Variants in GRB10 observed in about 807,000 individuals in gnomAD.
GRB10 encodes the protein growth factor receptor bound protein 10.
A neutral mutation model predicts 80.9 loss-of-function variants in GRB10; 20 were observed. The ratio of observed to expected loss-of-function variants is 0.25; its 90% CI spans 0.17 to 0.36. GRB10 has a LOEUF of 0.36. Ranked by LOEUF, GRB10 falls within the 10% of genes least tolerant of loss-of-function variation. The pLI, the probability that GRB10 is intolerant of heterozygous loss-of-function variation, is 1.00. For missense variants in GRB10, 548 were observed against 747.7 expected (o/e 0.73, Z 3.12); for synonymous variants, 291 against 291.5 (o/e 1.00, Z 0.02).
At chr7:50,617,170 A>C (rs1473723668) in intron 10 of GRB10, among the ~76,000 whole-genome samples, 1 of 152,134 alleles carries the variant, frequency 6.6e-6, no homozygotes, top group African/African-American at 2.4e-5. Context: ...TAGTGCTGAC[A>C]CCTCTCGCCA....
At chr7:50,742,271 G>GCACA (rs55813195) in intron 3 of GRB10, among the ~76,000 whole-genome samples, 887 of 46,838 alleles carry the variant, frequency 0.019, 6 homozygotes, top group East Asian at 0.1. Context: ...ACGCGCGCGC[G>GCACA]CACACACACA....
At chr7:50,748,007 C>T (rs1450703798) in intron 3 of GRB10, among the ~76,000 whole-genome samples, 1 of 152,094 alleles carries the variant, frequency 6.6e-6, no homozygotes, top group Non-Finnish European at 1.5e-5. Flanking sequence ...CACATGCGTG[C>T]AGGTGGCAAA....
At chr7:50,636,384 C>T (rs758022955) in intron 7 of GRB10, among the ~76,000 whole-genome samples, 4 of 152,272 alleles carry the variant, frequency 2.6e-5, no homozygotes, top group East Asian at 3.9e-4. Context: ...TTCTACAAAA[C>T]CAGTATCACC....
chr7:50,789,528 C>A (rs1172906185), intron 1 of GRB10, among the ~76,000 whole-genome samples: 1 of 152,140 alleles, frequency 6.6e-6, no homozygotes, highest in Admixed American at 6.5e-5. Context: ...AGTGTGCCTG[C>A]TGCCCTGGTC....
At chr7:50,771,713 G>A (rs78661610) in intron 2 of GRB10, among the ~76,000 whole-genome samples, 1,857 of 152,236 alleles carry the variant, frequency 0.012, 49 homozygotes, top group African/African-American at 0.042. Flanking sequence ...ACCAGAACCC[G>A]CAGCCCAGTA....
intron 18 of GRB10, among the ~76,000 whole-genome samples, chr7:50,595,036 C>T (rs181549351): frequency 2.0e-5 from 3 of 152,294 alleles, no homozygotes; most frequent in African/African-American, 4.8e-5. Context: ...CACGTGCTCA[C>T]AGCTGCTGCG....
At chr7:50,593,201 C>T (rs991967038) in intron 18 of GRB10, 103 bp from the exon 19 acceptor site, 23 of 1,332,994 alleles carry the variant, frequency 1.7e-5, no homozygotes, top group African/African-American at 1.6e-4. Context: ...GATTTGATTC[C>T]AGAGGGACAC....
In GRB10 at chr7:50,792,469, A is replaced by G. The variant is rs2078967969; in HGVS notation, c.-294+755T>C. 1.0e-5 allele frequency: 4 copies of G among 398,582 alleles called. No individual in the cohort carries two copies. The East Asian group carries it at 1.4e-4, about 14-fold the overall frequency. The allele number at this position is 398,582 out of a possible 1,614,324, so 24.7% of individuals were successfully genotyped here. A position where few individuals can be genotyped will look rare whatever the true frequency, so the allele number is the denominator to read the frequency against. Reference sequence around the variant, plus strand: ...TAATTTCCATAACGCACATGCTCCAAGGCAGTCGTCAGGCAGGCGTTTGGA... The same window carrying G: ...TAATTTCCATAACGCACATGCTCCAGGGCAGTCGTCAGGCAGGCGTTTGGA... On this transcript the variant is annotated intron_variant, in intron 1 of 16. Transcript: ENST00000335866.
At chr7:50,743,853 G>A (rs1429941529) in intron 3 of GRB10, among the ~76,000 whole-genome samples, 3 of 152,176 alleles carry the variant, frequency 2.0e-5, no homozygotes, top group African/African-American at 7.2e-5. Flanking sequence ...TTAATGCAGT[G>A]ATCCAACTGA....
At chr7:50,722,011 G>A (rs1488181199) in intron 4 of GRB10, among the ~76,000 whole-genome samples, 1 of 152,212 alleles carries the variant, frequency 6.6e-6, no homozygotes, top group Non-Finnish European at 1.5e-5. Context: ...GAGAGCCCAG[G>A]CTGCTGGTAG....
chr7:50,722,165 C>A (rs1325713227), intron 4 of GRB10, among the ~76,000 whole-genome samples: 1 of 152,174 alleles, frequency 6.6e-6, no homozygotes, highest in Admixed American at 6.5e-5. Flanking sequence ...CTGTCCCCCA[C>A]CAGCTGAGCC....
chr7:50,742,010 CA>C (rs566207137), intron 3 of GRB10, among the ~76,000 whole-genome samples: 224 of 135,856 alleles, frequency 1.6e-3, no homozygotes, highest in East Asian at 5.3e-3. Flanking sequence ...TTAATTTTTA[CA>C]AAAAAAAAAA....
At chr7:50,761,136 G>C (rs560220940) in intron 2 of GRB10, among the ~76,000 whole-genome samples, 1 of 152,152 alleles carries the variant, frequency 6.6e-6, no homozygotes, top group Non-Finnish European at 1.5e-5. Context: ...GCTAGGAGAC[G>C]GTAATTATAT....
At chr7:50,599,706 C>T (rs887085806) in intron 17 of GRB10, among the ~76,000 whole-genome samples, 6 of 152,190 alleles carry the variant, frequency 3.9e-5, no homozygotes, top group South Asian at 2.1e-4. Context: ...ATGCTTCTAT[C>T]GCTTTACAGG....
At chr7:50,776,163 C>A (rs564979598) in intron 2 of GRB10, among the ~76,000 whole-genome samples, 19 of 152,318 alleles carry the variant, frequency 1.2e-4, no homozygotes, top group African/African-American at 4.6e-4. Flanking sequence ...TTCTCCCAAA[C>A]ATGTTTTTAC....
At chr7:50,702,887 A>C (rs1043577054) in intron 5 of GRB10, among the ~76,000 whole-genome samples, 4 of 152,244 alleles carry the variant, frequency 2.6e-5, no homozygotes, top group Non-Finnish European at 5.9e-5. Context: ...TTTTTATATA[A>C]GCATTAACAC....
Position 50,674,622 on chromosome 7 carries a change from A to G in GRB10, c.176T>C (p.Met59Thr), listed in dbSNP as rs749084101. The G allele has an allele frequency of 2.5e-6, 4 of 1,613,922 alleles. No individual in the cohort carries two copies. The highest frequency in any genetic ancestry group is 2.2e-5 in the East Asian group (1 of 44,886). ...DVDLEALVNDMNASLESLYSA... is the reference protein window; with the variant it reads ...DVDLEALVNDTNASLESLYSA... ...GTACAGGCTCTCCAGGGATGCATTC[A>G]TATCGTTCACCAGGGCTTCCAGGTC... The change falls in exon 6 of 19, where the codon ATG (methionine) becomes ACG (threonine). Residue 59 changes from methionine to threonine, a missense_variant. By Grantham distance (81) the Met-to-Thr change is moderately conservative. This residue lies in a region of GRB10 where 245 missense variants were observed against 229.3 expected (regional missense o/e 1.07). Coordinates refer to ENST00000401949, the MANE Select transcript of GRB10 (RefSeq NM_001350814.2).
Position 50,684,408 on chromosome 7 carries a change from G to A in GRB10, c.140-9750C>T, listed in dbSNP as rs890644900. The stretch of plus-strand genomic sequence containing the variant: ...AAAATAAGGAAAGCAATTCATCTTA[G>A]CGATTTCATCAAAGACCTGGCATCC... On this transcript the variant is annotated intron_variant, in intron 5 of 18. Transcript: ENST00000401949. Among the ~76,000 whole-genome samples, 4 of 150,710 alleles carry A rather than the reference G, an allele frequency of 2.7e-5. No homozygotes were observed. The South Asian group carries it at 8.3e-4, about 31-fold the overall frequency.
At chr7:50,659,557 C>A (rs1474068779) in intron 7 of GRB10, among the ~76,000 whole-genome samples, 3 of 152,232 alleles carry the variant, frequency 2.0e-5, no homozygotes, top group Non-Finnish European at 4.4e-5. Flanking sequence ...CCAGGTCGCT[C>A]TGGGTCCTGC....
Sources: gnomAD v4.1 joint callset for allele counts (sites outside exome capture counted in the v4.1 genomes callset) on GRCh38, gnomAD v4.1.1 for gene constraint, gnomAD v4.1.1 regional missense constraint, MANE v1.5 for transcripts, NCBI Gene and HGNC (gene_info 2026-07-23, HGNC 2026-07-21) for gene names.